Variants in RYR3 observed in about 807,000 individuals in gnomAD.
RYR3 encodes ryanodine receptor 3.
RYR3 carries 207 observed loss-of-function variants against 584.3 expected under a neutral mutation model. That is an observed-to-expected ratio of 0.35 (90% CI 0.32 to 0.40). The LOEUF is 0.40. Among genes scored for constraint, RYR3 ranks in the 10% least tolerant of loss-of-function variants. The pLI is 1.00. For missense variants in RYR3, 5,616 were observed against 6,089.2 expected, an observed-to-expected ratio of 0.92 and a Z score of 2.59; for synonymous variants, 2,416 against 2,248.5, an observed-to-expected ratio of 1.07 and a Z score of -2.11.
chr15:33,750,052 A>G lies in RYR3; in HGVS notation c.8273A>G (p.Lys2758Arg), dbSNP rs753359095. ...AAGAAGAAGCTGGAGCTGGAGAGCA[A>G]AGGTGAGTGAGGTTCACAGCATCCC... The part of the protein sequence containing the change: ...AKKKKLELES[K>R]GGGSHPLLVP... The change falls in exon 56 of 104, where the codon AAA (lysine) becomes AGA (arginine). Residue 2758 changes from lysine to arginine, a missense_variant and splice_region_variant. Physicochemically the swap from Lys to Arg is conservative, Grantham distance 26. Transcript: ENST00000634891. 5.6e-6 allele frequency: 9 copies of G among 1,611,516 alleles called. No individual in the cohort carries two copies. The East Asian group carries it at 2.0e-4, about 36-fold the overall frequency.
At chr15:33,525,490 T>G (rs2054318722) in intron 3 of RYR3, among the ~76,000 whole-genome samples, 1 of 152,196 alleles carries the variant, frequency 6.6e-6, no homozygotes, top group East Asian at 1.9e-4. Context: ...TCAGTTAAAT[T>G]TAGGGGAATA....
At chr15:33,457,003 T>C (rs998467829) in intron 1 of RYR3, among the ~76,000 whole-genome samples, 2 of 152,226 alleles carry the variant, frequency 1.3e-5, no homozygotes, top group Non-Finnish European at 2.9e-5. Context: ...AATAGGTAGC[T>C]ACCTGTAGAT....
At position 33,585,212 on chromosome 15, in the gene RYR3, C is replaced by T. The variant is rs763637557; in HGVS notation, c.1669+722C>T. Among the ~76,000 whole-genome samples, 39 of 152,186 alleles carry T rather than the reference C, an allele frequency of 2.6e-4. 1 individual carries two copies. Among genetic ancestry groups the T allele is most frequent in the African/African-American group, 6.8e-4 (28 of 41,432 alleles). ...CCCCCAAGGATCATCCACCTACACA[C>T]GTCTTCCTAAGCCTCTTTTTTCTTC... On this transcript the variant is annotated intron_variant, in intron 15 of 103. Coordinates refer to ENST00000634891, the MANE Select transcript of RYR3 (RefSeq NM_001036.6).
At chr15:33,598,751 C>T (rs1401849176) in intron 16 of RYR3, among the ~76,000 whole-genome samples, 1 of 118,614 alleles carries the variant, frequency 8.4e-6, no homozygotes, top group Admixed American at 8.9e-5. Flanking sequence ...GCAAGTAAAA[C>T]TAAAAAAAAA....
intron 1 of RYR3, among the ~76,000 whole-genome samples, chr15:33,320,072 G>A (rs1968749044): frequency 6.6e-6 from 1 of 152,186 alleles, no homozygotes; most frequent in Non-Finnish European, 1.5e-5. Context: ...CACATCTGCA[G>A]CAAGATTCTG....
intron 67 of RYR3, 113 bp downstream of exon 67, chr15:33,788,571 AGCC>A: frequency 8.3e-7 from 1 of 1,200,024 alleles, no homozygotes; most frequent in Admixed American, 2.7e-5. Context: ...AGGAGGCGAT[AGCC>A]GCCCCCACCA....
intron 16 of RYR3, among the ~76,000 whole-genome samples, chr15:33,589,546 C>T (rs1438770648): frequency 6.6e-6 from 1 of 152,154 alleles, no homozygotes. Context: ...GACCAGTGTC[C>T]AGAAGAATTT....
In RYR3 at chr15:33,550,179, A is replaced by G. The variant is rs757815967; in HGVS notation, c.835A>G (p.Arg279Gly). 3 of 1,613,160 alleles carry G rather than the reference A, an allele frequency of 1.9e-6. No individual in the cohort carries two copies. Among genetic ancestry groups the G allele is most frequent in the Non-Finnish European group, 2.5e-6 (3 of 1,179,688 alleles). ...LRISWSGSNI[R>G]WGQAFRLRHL... ...GCCCAGCTGGAGTGGCAGTAACATC[A>G]GATGGGGCCAGGCTTTCCGACTCCG... Residue 279 changes from arginine to glycine, a missense_variant, in exon 10 of 104, where the codon AGA becomes GGA. Around this residue, in one of 9 missense-constraint regions of RYR3, gnomAD observed 1,284 missense variants for 1,344.6 expected, o/e 0.95. Transcript: ENST00000634891.
intron 3 of RYR3, among the ~76,000 whole-genome samples, chr15:33,522,740 G>A (rs2054097175): frequency 6.6e-6 from 1 of 152,088 alleles, no homozygotes; most frequent in South Asian, 2.1e-4. Flanking sequence ...CAGTTTCAGG[G>A]AGTTAGGATG....
At chr15:33,699,258 C>CA (rs1566975587) in intron 40 of RYR3, among the ~76,000 whole-genome samples, 1 of 102,970 alleles carries the variant, frequency 9.7e-6, no homozygotes, top group Non-Finnish European at 1.9e-5. Context: ...CTCTCTCCCC[C>CA]CCTTTCTCTC....
chr15:33,529,266 C>T (rs2054645346), intron 3 of RYR3, among the ~76,000 whole-genome samples: 2 of 152,334 alleles, frequency 1.3e-5, no homozygotes, highest in Admixed American at 6.5e-5. Context: ...TATTTAGTTA[C>T]CGGCTTTTTT....
At position 33,788,305 on chromosome 15, in the gene RYR3, C is replaced by T; in HGVS notation, c.9677C>T (p.Ala3226Val). The T allele has an allele frequency of 6.2e-7, 1 of 1,614,018 alleles. No homozygotes were observed. The highest frequency in any genetic ancestry group is 8.5e-7 in the Non-Finnish European group (1 of 1,179,880). ...IPTLEKLKKK[A>V]VKTVQEEEQL... ...ACTCTGGAGAAGCTGAAGAAAAAGGCTGTCAAGACGGTGCAGGAGGAGGAG... is the reference window on the plus strand; with the variant it reads ...ACTCTGGAGAAGCTGAAGAAAAAGGTTGTCAAGACGGTGCAGGAGGAGGAG... Residue 3226 changes from alanine to valine, a missense_variant, in exon 67 of 104, where the codon GCT becomes GTT. By Grantham distance (64) the Ala-to-Val change is moderately conservative (BLOSUM62 0). This residue lies in a region of RYR3 where 954 missense variants were observed against 1,132.2 expected (regional missense o/e 0.84). Transcript: ENST00000634891.
At chr15:33,358,079 G>C (rs1349598086) in intron 1 of RYR3, among the ~76,000 whole-genome samples, 1 of 152,232 alleles carries the variant, frequency 6.6e-6, no homozygotes, top group Non-Finnish European at 1.5e-5. Context: ...TAAGCTGGTA[G>C]AGTAGAGTCA....
intron 96 of RYR3, 137 bp from the exon 97 acceptor site, chr15:33,854,252 G>C: frequency 3.0e-6 from 2 of 675,022 alleles, no homozygotes; most frequent in Non-Finnish European, 5.1e-6. Context: ...CTCATGGGGA[G>C]CACATACAAC....
chr15:33,347,177 G>A (rs1274636975), intron 1 of RYR3, among the ~76,000 whole-genome samples: 1 of 152,144 alleles, frequency 6.6e-6, no homozygotes. Flanking sequence ...CCCCCATAAT[G>A]TCCCCTTCAG....
At chr15:33,327,931 C>T (rs532271659) in intron 1 of RYR3, among the ~76,000 whole-genome samples, 15 of 152,238 alleles carry the variant, frequency 9.9e-5, no homozygotes, top group African/African-American at 3.1e-4. Flanking sequence ...TGAAAATCCA[C>T]ATTCAGAAAT....
intron 12 of RYR3, among the ~76,000 whole-genome samples, chr15:33,575,564 A>G (rs759239610): frequency 6.6e-5 from 10 of 152,220 alleles, no homozygotes; most frequent in Non-Finnish European, 2.9e-5. Flanking sequence ...CTTTGAAACC[A>G]GTAAGAACAA....
At chr15:33,511,107 G>A (rs527383739) in intron 3 of RYR3, among the ~76,000 whole-genome samples, 1 of 151,964 alleles carries the variant, frequency 6.6e-6, no homozygotes, top group Admixed American at 6.6e-5. Context: ...TGTAGGTATT[G>A]ACCATTTTTC....
intron 1 of RYR3, among the ~76,000 whole-genome samples, chr15:33,372,313 TTC>T (rs1161444218): frequency 6.6e-6 from 1 of 151,604 alleles, no homozygotes; most frequent in African/African-American, 2.4e-5. Flanking sequence ...TGCCTCAGCC[TTC>T]TGAGTAGCTG....
Sources: gnomAD v4.1 joint callset for allele counts (sites outside exome capture counted in the v4.1 genomes callset) on GRCh38, gnomAD v4.1.1 for gene constraint, gnomAD v4.1.1 regional missense constraint, MANE v1.5 for transcripts, NCBI Gene and HGNC (gene_info 2026-07-23, HGNC 2026-07-21) for gene names.